Variants in TAOK3 observed in about 807,000 individuals in gnomAD.
The protein encoded by TAOK3 is serine/threonine-protein kinase TAO3.
A neutral mutation model predicts 120.4 loss-of-function variants in TAOK3; 40 were observed. The observed-to-expected ratio is 0.33, with a 90% CI of 0.26 to 0.43. The LOEUF (loss-of-function observed/expected upper bound fraction) is 0.43, where lower values mean the gene tolerates loss of function less well. Ranked by LOEUF, TAOK3 falls within the 20% of genes least tolerant of loss-of-function variation. The probability of loss-of-function intolerance (pLI) is 1.00; values close to 1 mark genes in which losing one functional copy is unlikely to be tolerated. For missense variants in TAOK3, 821 were observed against 1,112.1 expected, an observed-to-expected ratio of 0.74 and a Z score of 3.72; for synonymous variants, 355 against 387.5, an observed-to-expected ratio of 0.92 and a Z score of 0.99.
intron 1 of TAOK3, among the ~76,000 whole-genome samples, chr12:118,339,274 A>AATT (rs2044502690): frequency 2.9e-5 from 3 of 104,920 alleles, no homozygotes; most frequent in African/African-American, 1.2e-4. Flanking sequence ...TCTTCATCAT[A>AATT]CTTTTTTTTT....
chr12:118,247,623 TCCCACCAC>T (rs1255447031), intron 3 of TAOK3, among the ~76,000 whole-genome samples: 2 of 152,068 alleles, frequency 1.3e-5, no homozygotes, highest in African/African-American at 4.8e-5. Context: ...CAAGTGATCT[TCCCACCAC>T]AGCCTCTTGA....
chr12:118,235,482 C>T, intron 8 of TAOK3, 76 bp downstream of exon 8: 1 of 1,203,506 alleles, frequency 8.3e-7, no homozygotes, highest in Non-Finnish European at 1.2e-6. Context: ...GTCACAAAAC[C>T]AAGCCAAACC....
intron 1 of TAOK3, among the ~76,000 whole-genome samples, chr12:118,273,480 G>C (rs938071502): frequency 6.6e-6 from 1 of 151,562 alleles, no homozygotes; most frequent in African/African-American, 2.4e-5. Flanking sequence ...TCCAGCCTGG[G>C]TGACAGAGCG....
intron 1 of TAOK3, among the ~76,000 whole-genome samples, chr12:118,306,685 T>C (rs1014711841): frequency 6.6e-6 from 1 of 152,220 alleles, no homozygotes; most frequent in African/African-American, 2.4e-5. Context: ...TATTGATACT[T>C]AGAGTAACTA....
intron 1 of TAOK3, among the ~76,000 whole-genome samples, chr12:118,348,987 G>T (rs2141201342): frequency 6.6e-6 from 1 of 151,966 alleles, no homozygotes. Flanking sequence ...CTCCCAGGCG[G>T]TTCAAGCAAT....
intron 19 of TAOK3, chr12:118,152,666 G>A: frequency 2.5e-6 from 1 of 405,714 alleles, no homozygotes. Context: ...GGCTACACCT[G>A]TGGGCTTTGG....
intron 9 of TAOK3, among the ~76,000 whole-genome samples, chr12:118,219,124 T>A (rs1252103604): frequency 6.6e-6 from 1 of 152,152 alleles, no homozygotes; most frequent in African/African-American, 2.4e-5. Flanking sequence ...AAGTAACCTA[T>A]TTTTCCCTCT....
intron 7 of TAOK3, among the ~76,000 whole-genome samples, chr12:118,237,460 G>A (rs2139904276): frequency 6.6e-6 from 1 of 152,194 alleles, no homozygotes; most frequent in East Asian, 1.9e-4. Flanking sequence ...TGTGGTTGTG[G>A]TAGAGAAAAT....
intron 1 of TAOK3, among the ~76,000 whole-genome samples, chr12:118,347,398 C>T (rs2044910502): frequency 6.6e-6 from 1 of 152,084 alleles, no homozygotes; most frequent in Non-Finnish European, 1.5e-5. Context: ...CAGTTGCTTC[C>T]TCTCTCCCAA....
In TAOK3 at chr12:118,150,956, C is replaced by CT. The variant is rs201481032; in HGVS notation, c.*40dup. The CT allele has an allele frequency of 0.14, 172,128 of 1,227,572 alleles. 681 individuals carry two copies. The highest frequency in any genetic ancestry group is 0.2 in the East Asian group (7,162 of 36,640). 76.0% of individuals were successfully genotyped at this position (1,227,572 alleles called of 1,614,324 possible). A position where few individuals can be genotyped will look rare whatever the true frequency, so the allele number is the denominator to read the frequency against. On this transcript the variant is annotated 3_prime_UTR_variant, in exon 21 of 21. Transcript: ENST00000392533. ...CAGGGTCTGAATTTTTTTCTGTTTTCTTTTTTTTTTTTTTTTTTGTAAATG... is the reference window on the plus strand; with the variant it reads ...CAGGGTCTGAATTTTTTTCTGTTTTCTTTTTTTTTTTTTTTTTTTGTAAATG...
At position 118,201,399 on chromosome 12, in the gene TAOK3, T is replaced by A. The variant is rs181310457; in HGVS notation, c.884A>T (p.Asp295Val). The A allele has an allele frequency of 5.0e-6, 8 of 1,614,176 alleles. No homozygotes were observed. The African/African-American group carries it at 8.0e-5, about 16-fold the overall frequency. The change falls in exon 12 of 21, where the codon GAT becomes GTT. Residue 295 changes from aspartate to valine, a missense_variant. Physicochemically the swap from Asp to Val is radical, Grantham distance 152 (BLOSUM62 -3). Transcript: ENST00000392533. ...TAGGTTATCTAGCTCACGAACTGCATCTTTTGTCCTCTGTATGAGGTCAAT... is the reference window on the plus strand; with the variant it reads ...TAGGTTATCTAGCTCACGAACTGCAACTTTTGTCCTCTGTATGAGGTCAAT... ...VLIDLIQRTK[D>V]AVRELDNLQY...
intron 9 of TAOK3, 134 bp downstream of exon 9, chr12:118,233,540 A>T (rs2039881418): frequency 2.9e-6 from 2 of 690,546 alleles, no homozygotes; most frequent in South Asian, 3.6e-5. Flanking sequence ...CCTAGCACAC[A>T]TATACCAGTA....
rs1429420144 is a variant in TAOK3 at position 118,372,405 on chromosome 12, G to T, written c.-194+243C>A. Among the ~76,000 whole-genome samples, 1 of 148,314 alleles carries T rather than the reference G, an allele frequency of 6.7e-6. No individual in the cohort carries two copies. The highest frequency in any genetic ancestry group is 2.5e-5 in the African/African-American group (1 of 40,012). On this transcript the variant is annotated intron_variant, in intron 1 of 20. Transcript: ENST00000392533. This position sits in a 1 kb window ranked among gnomAD's most constrained non-coding sequence, Gnocchi z 4.6. ...CCTTCCTCTCACGCGCACTGTCCCG[G>T]CCCCTCTTGGAGACCCCTCCCCTCA...
intron 1 of TAOK3, among the ~76,000 whole-genome samples, chr12:118,286,814 A>G (rs1315387410): frequency 6.6e-6 from 1 of 152,248 alleles, no homozygotes; most frequent in Non-Finnish European, 1.5e-5. Context: ...ATGTGGAACC[A>G]ATCCAAATGC....
chr12:118,298,930 G>A (rs767311052), intron 1 of TAOK3, among the ~76,000 whole-genome samples: 6 of 152,126 alleles, frequency 3.9e-5, no homozygotes, highest in Non-Finnish European at 7.3e-5. Context: ...CTAAATCTAT[G>A]CCAGAGCCCA....
At chr12:118,303,539 G>A (rs1424944492) in intron 1 of TAOK3, among the ~76,000 whole-genome samples, 2 of 152,144 alleles carry the variant, frequency 1.3e-5, no homozygotes, top group Non-Finnish European at 2.9e-5. Flanking sequence ...CCATGTTAAC[G>A]TCCATTTACA....
chr12:118,189,401 T>C (rs2037280618), intron 14 of TAOK3, among the ~76,000 whole-genome samples: 1 of 152,120 alleles, frequency 6.6e-6, no homozygotes, highest in Non-Finnish European at 1.5e-5. Flanking sequence ...TATACATCAA[T>C]ACCTTAAAAA....
intron 11 of TAOK3, among the ~76,000 whole-genome samples, chr12:118,207,341 A>AG (rs1565948266): frequency 6.6e-6 from 1 of 151,776 alleles, no homozygotes; most frequent in East Asian, 1.9e-4. Flanking sequence ...AAAAAAAAAA[A>AG]AAAAGAAAGA....
chr12:118,218,071 A>G (rs1172413765), intron 9 of TAOK3, among the ~76,000 whole-genome samples: 1 of 151,196 alleles, frequency 6.6e-6, no homozygotes, highest in Non-Finnish European at 1.5e-5. Context: ...CATATTAGCC[A>G]GGATGGTCTC....
Sources: allele counts gnomAD v4.1 joint callset (sites outside exome capture counted in the v4.1 genomes callset), GRCh38; gene constraint gnomAD v4.1.1; non-coding constraint Gnocchi (gnomAD v3.1); transcripts MANE v1.5; gene names NCBI Gene and HGNC (gene_info 2026-07-23, HGNC 2026-07-21).